Variants in CORO2B observed in about 807,000 individuals in gnomAD.
CORO2B encodes the protein coronin-2B.
A neutral mutation model predicts 58.8 loss-of-function variants in CORO2B; 26 were observed. That is an observed-to-expected ratio of 0.44 (90% confidence interval 0.32 to 0.61). The LOEUF (loss-of-function observed/expected upper bound fraction) is 0.61, where lower values mean the gene tolerates loss of function less well. Ranked by LOEUF, CORO2B falls within the 20% of genes least tolerant of loss-of-function variation. The pLI, the probability that CORO2B is intolerant of heterozygous loss-of-function variation, is 0.04. For missense variants in CORO2B, 460 were observed against 645.1 expected (o/e 0.71, Z 3.11); for synonymous variants, 242 against 253.8 (o/e 0.95, Z 0.44).
chr15:68,670,242 T>C (rs1195164759), intron 2 of CORO2B, among the ~76,000 whole-genome samples: 1 of 151,936 alleles, frequency 6.6e-6, no homozygotes, highest in African/African-American at 2.4e-5. Context: ...TGGCGTGATA[T>C]TAGCTCACTG....
chr15:68,583,333 G>A (rs1405001101), intron 1 of CORO2B, among the ~76,000 whole-genome samples: 2 of 152,214 alleles, frequency 1.3e-5, no homozygotes, highest in African/African-American at 2.4e-5. Context: ...GAACTGAGAC[G>A]CTGGGAGCAG....
chr15:68,668,535 C>T (rs1473001859), intron 2 of CORO2B, among the ~76,000 whole-genome samples: 2 of 152,026 alleles, frequency 1.3e-5, no homozygotes, highest in Non-Finnish European at 2.9e-5. Flanking sequence ...GGGATGGAGC[C>T]GGTCAAGTAA....
At chr15:68,635,348 T>C (rs773185840) in intron 1 of CORO2B, among the ~76,000 whole-genome samples, 11 of 152,092 alleles carry the variant, frequency 7.2e-5, no homozygotes, top group Non-Finnish European at 1.5e-4. Context: ...GTTGGGCCTG[T>C]GTTTTGAGCT....
intron 11 of CORO2B, among the ~76,000 whole-genome samples, chr15:68,723,415 CCCAG>C (rs1420994019): frequency 1.3e-5 from 2 of 151,744 alleles, no homozygotes; most frequent in Admixed American, 6.6e-5. Flanking sequence ...AGCCACGGCG[CCCAG>C]CCAATAGATA....
rs576908537 is a variant in CORO2B at position 68,579,511 on chromosome 15, G to A, written c.15+234G>A. 7.9e-5 allele frequency among the ~76,000 whole-genome samples: 12 copies of A among 152,284 alleles called. 1 individual carries two copies. In the South Asian group the frequency reaches 2.5e-3, roughly 32 times the overall value. ...CCGGCGGTTTGGCCAACATCCCTCC[G>A]CGCCCGGCCCAACCCCGGGACTGCA... On this transcript the variant is annotated intron_variant, in intron 1 of 11. Transcript: ENST00000261861.
the CORO2B span, among the ~76,000 whole-genome samples, chr15:68,561,357 C>G: frequency 2.6e-5 from 4 of 152,150 alleles, no homozygotes; most frequent in Non-Finnish European, 5.9e-5. Context: ...TCTCCCCGGT[C>G]CAGATGGTCA....
the CORO2B span, among the ~76,000 whole-genome samples, chr15:68,545,391 A>T: frequency 6.6e-6 from 1 of 152,074 alleles, no homozygotes; most frequent in South Asian, 2.1e-4. Context: ...CCCCTCCCCC[A>T]GCTCCAGCCT....
At chr15:68,720,015 T>C (rs867472293) in intron 11 of CORO2B, among the ~76,000 whole-genome samples, 2 of 152,320 alleles carry the variant, frequency 1.3e-5, no homozygotes, top group Middle Eastern at 6.8e-3. Context: ...GAGCAAGCTC[T>C]TTTGGGGCAG....
intron 1 of CORO2B, among the ~76,000 whole-genome samples, chr15:68,613,874 A>G (rs1900294800): frequency 6.6e-6 from 1 of 152,198 alleles, no homozygotes; most frequent in Non-Finnish European, 1.5e-5. Context: ...CCAGTGTCCA[A>G]CTGCTGCTAT....
In CORO2B at chr15:68,726,690, T is replaced by G. The variant is rs1297388767; in HGVS notation, c.*716T>G. ...CAGGGTAGGGATTAGTGTCCCCCTTTGACAAATGACAGAACTGAGGGTTGC... is the reference window on the plus strand; with the variant it reads ...CAGGGTAGGGATTAGTGTCCCCCTTGGACAAATGACAGAACTGAGGGTTGC... On this transcript the variant is annotated 3_prime_UTR_variant, in exon 12 of 12. Coordinates refer to ENST00000261861, the MANE Select transcript of CORO2B (RefSeq NM_006091.5). The G allele has an allele frequency of 1.3e-5, 2 of 152,612 alleles. No homozygotes were observed. The highest frequency in any genetic ancestry group is 2.9e-5 in the Non-Finnish European group (2 of 68,112). 9.5% of individuals were successfully genotyped at this position (152,612 alleles called of 1,614,324 possible).
the CORO2B span, among the ~76,000 whole-genome samples, chr15:68,556,607 T>C: frequency 6.6e-6 from 1 of 152,250 alleles, no homozygotes; most frequent in Non-Finnish European, 1.5e-5. Context: ...GTGGAGTGGC[T>C]GAAGCCCAGT....
At chr15:68,702,821 C>CTTTTTTTTTTTTTT (rs113249272) in intron 3 of CORO2B, among the ~76,000 whole-genome samples, 193 of 96,244 alleles carry the variant, frequency 2.0e-3, no homozygotes, top group Non-Finnish European at 2.7e-3. Context: ...TTTTCTTTTT[C>CTTTTTTTTTTTTTT]TTTTTTTTTT....
intron 2 of CORO2B, among the ~76,000 whole-genome samples, chr15:68,664,926 A>T (rs1017765934): frequency 2.0e-5 from 3 of 152,172 alleles, no homozygotes; most frequent in Admixed American, 6.5e-5. Flanking sequence ...AGCCTTTTGG[A>T]ATATGAGTTG....
chr15:68,552,525 T>C, the CORO2B span, among the ~76,000 whole-genome samples: 1 of 152,072 alleles, frequency 6.6e-6, no homozygotes, highest in Non-Finnish European at 1.5e-5. Context: ...ATCTGTTGCC[T>C]CGGTGACAAC....
intron 11 of CORO2B, among the ~76,000 whole-genome samples, chr15:68,721,485 C>T (rs1241251493): frequency 2.0e-5 from 3 of 152,008 alleles, no homozygotes; most frequent in Non-Finnish European, 4.4e-5. Flanking sequence ...GCGGGTGGAT[C>T]ACCTGAGGTC....
At chr15:68,690,646 C>CTTTT (rs765999578) in intron 2 of CORO2B, among the ~76,000 whole-genome samples, 125 of 102,718 alleles carry the variant, frequency 1.2e-3, no homozygotes, top group African/African-American at 1.4e-3. Flanking sequence ...CGTTAGCTTT[C>CTTTT]TTTTTTTTTT....
intron 5 of CORO2B, among the ~76,000 whole-genome samples, chr15:68,712,105 G>A (rs554095406): frequency 6.6e-6 from 1 of 152,208 alleles, no homozygotes; most frequent in African/African-American, 2.4e-5. Flanking sequence ...TGGCTAGGGT[G>A]CCAAGGCTGA....
At chr15:68,628,205 A>C (rs1041094541) in intron 1 of CORO2B, among the ~76,000 whole-genome samples, 2 of 152,268 alleles carry the variant, frequency 1.3e-5, no homozygotes, top group Admixed American at 1.3e-4. Flanking sequence ...CTTTGCAGGC[A>C]TGACCTCATT....
chr15:68,526,889 G>A, the CORO2B span, among the ~76,000 whole-genome samples: 1 of 152,212 alleles, frequency 6.6e-6, no homozygotes, highest in African/African-American at 2.4e-5. Flanking sequence ...AACCTCCAGT[G>A]TGACTGTGTT....
Sources: allele counts gnomAD v4.1 joint callset (sites outside exome capture counted in the v4.1 genomes callset), GRCh38; gene constraint gnomAD v4.1.1; transcripts MANE v1.5; gene names NCBI Gene and HGNC (gene_info 2026-07-23, HGNC 2026-07-21).